Variants in MARK3 observed in about 807,000 individuals in gnomAD.
MARK3 encodes the protein microtubule affinity regulating kinase 3, also known as MAP/microtubule affinity-regulating kinase 3.
Under a neutral mutation model 90.1 loss-of-function variants are expected in MARK3, and 46 were observed. The ratio of observed to expected loss-of-function variants is 0.51; its 90% CI spans 0.40 to 0.65. MARK3 has a LOEUF of 0.65. Among genes scored for constraint, MARK3 ranks in the 30% least tolerant of loss-of-function variants. The pLI is 0.00. For synonymous variants in MARK3, 321 were observed against 332.6 expected (o/e 0.97, Z 0.38); for missense variants, 818 against 947.2 (o/e 0.86, Z 1.79).
intron 3 of MARK3, among the ~76,000 whole-genome samples, chr14:103,435,518 C>T (rs916708304): frequency 6.6e-6 from 1 of 152,128 alleles, no homozygotes; most frequent in Non-Finnish European, 1.5e-5. Flanking sequence ...ACGCCATTCT[C>T]CTGCCTCAGC....
chr14:103,425,697 G>T (rs943122207), intron 2 of MARK3, among the ~76,000 whole-genome samples: 27 of 152,180 alleles, frequency 1.8e-4, no homozygotes, highest in African/African-American at 6.3e-4. Context: ...TGCTTATTCA[G>T]TTTCCACTGA....
intron 15 of MARK3, among the ~76,000 whole-genome samples, chr14:103,493,377 T>G (rs1487484876): frequency 1.3e-5 from 2 of 150,708 alleles, no homozygotes; most frequent in African/African-American, 2.4e-5. Context: ...TCCATTAGCA[T>G]TAACTAGAAG....
chr14:103,423,231 A>G (rs2092289845), intron 2 of MARK3, among the ~76,000 whole-genome samples: 1 of 60,714 alleles, frequency 1.6e-5, no homozygotes, highest in Non-Finnish European at 3.0e-5. Flanking sequence ...TCTTTTACTG[A>G]CTGAGAATGT....
chr14:103,403,326 T>TTGTG lies in MARK3; in HGVS notation c.52-1706_52-1703dup, dbSNP rs59913493. Among the ~76,000 whole-genome samples the TTGTG allele has an allele frequency of 2.0e-3, 279 of 138,538 alleles. 2 individuals carry two copies. The highest frequency in any genetic ancestry group is 4.6e-3 in the African/African-American group (174 of 37,566). 90.9% of individuals were successfully genotyped at this position (138,538 alleles called of 152,430 possible). A position where few individuals can be genotyped will look rare whatever the true frequency, so the allele number is the denominator to read the frequency against. ...TTACCACACCTTAAATAGTGCCTGG[T>TTGTG]TGTGTGTGTGTGTGTGTGTGTGTGT... is the stretch of plus-strand genomic sequence containing the variant. On this transcript the variant is annotated intron_variant, in intron 1 of 17. Transcript: ENST00000429436.
At chr14:103,447,105 A>G (rs2093016278) in intron 3 of MARK3, among the ~76,000 whole-genome samples, 1 of 152,140 alleles carries the variant, frequency 6.6e-6, no homozygotes, top group South Asian at 2.1e-4. Flanking sequence ...ATCTGATTAC[A>G]TGTTTTAAAA....
intron 14 of MARK3, among the ~76,000 whole-genome samples, chr14:103,485,666 G>A (rs1331915950): frequency 6.6e-6 from 1 of 152,050 alleles, no homozygotes; most frequent in African/African-American, 2.4e-5. Context: ...TTCTGATAGG[G>A]GCTAGAGGTC....
At position 103,468,089 on chromosome 14, in the gene MARK3, G is replaced by A. The variant is rs907656059; in HGVS notation, c.1167G>A (p.Pro389=). The change falls in exon 12 of 18, where the codon CCG becomes CCA. Residue 389 remains proline, a synonymous_variant. Coordinates refer to ENST00000429436, the MANE Select transcript of MARK3 (RefSeq NM_001128918.3). ...SSNLSLAKVR[P]SSDLNNSTGQ... ...ATCTTTCACTTGCTAAGGTTAGGCC[G>A]AGCAGTGATCTCAACAACAGTACTG... is the stretch of plus-strand genomic sequence containing the variant. The A allele has an allele frequency of 7.4e-6, 12 of 1,613,728 alleles. No individual in the cohort carries two copies. Among genetic ancestry groups the A allele is most frequent in the African/African-American group, 1.3e-5 (1 of 74,838 alleles).
chr14:103,495,119 A>C (rs1416686909), intron 15 of MARK3, among the ~76,000 whole-genome samples: 2 of 152,136 alleles, frequency 1.3e-5, no homozygotes, highest in Non-Finnish European at 2.9e-5. Context: ...TCCATAGTCC[A>C]CCCCATTTTG....
chr14:103,451,579 C>T (rs909853189), intron 4 of MARK3, among the ~76,000 whole-genome samples: 4 of 152,170 alleles, frequency 2.6e-5, no homozygotes, highest in African/African-American at 9.7e-5. Context: ...GACCACTTTT[C>T]CTGGGGTGCT....
At chr14:103,430,737 A>G (rs888242865) in intron 3 of MARK3, among the ~76,000 whole-genome samples, 3 of 152,226 alleles carry the variant, frequency 2.0e-5, no homozygotes, top group Non-Finnish European at 4.4e-5. Context: ...CTAAATGCAC[A>G]TATAAGTAAA....
chr14:103,429,017 G>A (rs914348824), intron 3 of MARK3, among the ~76,000 whole-genome samples: 1 of 152,164 alleles, frequency 6.6e-6, no homozygotes, highest in South Asian at 2.1e-4. Flanking sequence ...AATCACCTGG[G>A]CAGATTTTTG....
intron 14 of MARK3, chr14:103,491,130 G>C: frequency 8.0e-7 from 1 of 1,250,276 alleles, no homozygotes; most frequent in Non-Finnish European, 1.0e-6. Flanking sequence ...CACATTCTTT[G>C]TGAAACTAAT....
intron 13 of MARK3, among the ~76,000 whole-genome samples, chr14:103,475,814 A>T (rs774940930): frequency 2.6e-5 from 4 of 152,086 alleles, no homozygotes; most frequent in Non-Finnish European, 5.9e-5. Flanking sequence ...GCGTGGTGGC[A>T]GGCACCTGTA....
At chr14:103,410,619 T>C (rs1158383363) in intron 2 of MARK3, among the ~76,000 whole-genome samples, 1 of 152,164 alleles carries the variant, frequency 6.6e-6, no homozygotes, top group Non-Finnish European at 1.5e-5. Context: ...GGAGGATCAC[T>C]TGAGCCCAGG....
intron 1 of MARK3, among the ~76,000 whole-genome samples, chr14:103,401,689 C>T (rs2090974774): frequency 6.6e-6 from 1 of 152,102 alleles, no homozygotes; most frequent in African/African-American, 2.4e-5. Context: ...TATGCCTAAC[C>T]TCAAGGGAAG....
At chr14:103,483,829 A>G (rs2093871725) in intron 14 of MARK3, among the ~76,000 whole-genome samples, 1 of 152,232 alleles carries the variant, frequency 6.6e-6, no homozygotes, top group African/African-American at 2.4e-5. Flanking sequence ...GTTTGATTAC[A>G]CCTTCAATTG....
chr14:103,434,096 C>T (rs903477050), intron 3 of MARK3, among the ~76,000 whole-genome samples: 8 of 152,142 alleles, frequency 5.3e-5, no homozygotes, highest in Admixed American at 3.3e-4. Context: ...TAGGTGGCTA[C>T]ATGGAGACAC....
At chr14:103,467,689 A>AG (rs1313341116) in intron 11 of MARK3, 1 of 157,846 alleles carries the variant, frequency 6.3e-6, no homozygotes, top group Non-Finnish European at 1.4e-5. Flanking sequence ...AAAAAAAAAA[A>AG]AAAAAAAAGA....
chr14:103,462,299 C>T, intron 6 of MARK3, 106 bp from the exon 7 acceptor site: 4 of 693,324 alleles, frequency 5.8e-6, no homozygotes, highest in Non-Finnish European at 7.1e-6. Flanking sequence ...CACGGACATT[C>T]GAGCGTATAC....
Sources: gnomAD v4.1 joint callset for allele counts (sites outside exome capture counted in the v4.1 genomes callset) on GRCh38, gnomAD v4.1.1 for gene constraint, MANE v1.5 for transcripts, NCBI Gene and HGNC (gene_info 2026-07-23, HGNC 2026-07-21) for gene names.